Variants in PCDHA2 observed in about 807,000 individuals in gnomAD.
PCDHA2 encodes the protein protocadherin alpha 2.
Under a neutral mutation model 66.0 loss-of-function variants are expected in PCDHA2, and 58 were observed. The ratio of observed to expected loss-of-function variants is 0.88; its 90% CI spans 0.71 to 1.09. The LOEUF is 1.09. Among genes scored for constraint, PCDHA2 ranks in the 50% least tolerant of loss-of-function variants. PCDHA2 has a pLI of 0.00. For missense variants in PCDHA2, 1,267 were observed against 1,242.3 expected, an observed-to-expected ratio of 1.02 and a Z score of -0.30; for synonymous variants, 634 against 554.0, an observed-to-expected ratio of 1.14 and a Z score of -2.03.
chr5:140,819,709 A>G (rs2150054370), intron 1 of PCDHA2, among the ~76,000 whole-genome samples: 1 of 152,246 alleles, frequency 6.6e-6, no homozygotes, highest in Non-Finnish European at 1.5e-5. Context: ...TTAAAAAGTA[A>G]ATATAATTTA....
In PCDHA2 at chr5:141,010,301, A is replaced by G. The variant is rs1232797660; in HGVS notation, c.*364A>G. On this transcript the variant is annotated 3_prime_UTR_variant, in exon 4 of 4. Coordinates refer to ENST00000526136, the MANE Select transcript of PCDHA2 (RefSeq NM_018905.3). ...TTGATGACACTTGCAGGGCAGGCTG[A>G]AAAGTTTTGAGATTGAGCAGCTTGG... 1 of 1,548,942 alleles carries G rather than the reference A, an allele frequency of 6.5e-7. No individual in the cohort carries two copies. Among genetic ancestry groups the G allele is most frequent in the African/African-American group, 1.4e-5 (1 of 72,848 alleles).
intron 1 of PCDHA2, among the ~76,000 whole-genome samples, chr5:140,806,051 G>A (rs1554123525): frequency 2.6e-5 from 4 of 152,142 alleles, no homozygotes; most frequent in South Asian, 4.1e-4. Context: ...AATGGCCCAC[G>A]CGATTCCACC....
chr5:140,874,010 T>C (rs1002287481), intron 1 of PCDHA2, among the ~76,000 whole-genome samples: 7 of 152,208 alleles, frequency 4.6e-5, no homozygotes, highest in Non-Finnish European at 8.8e-5. Context: ...TTGACCACTT[T>C]TGAAAATGAA....
chr5:140,926,170 C>G (rs558750358), intron 1 of PCDHA2, among the ~76,000 whole-genome samples: 1 of 151,736 alleles, frequency 6.6e-6, no homozygotes. Flanking sequence ...CAGGATCCAG[C>G]GCGGAAAGCC....
At chr5:140,868,898 T>C (rs2050724806) in intron 1 of PCDHA2, 1 of 800,434 alleles carries the variant, frequency 1.2e-6, no homozygotes, top group African/African-American at 1.7e-5. Flanking sequence ...GCGCAAGGTG[T>C]CGCTCTTTAC....
intron 1 of PCDHA2, chr5:140,850,389 A>G (rs2150482026): frequency 7.5e-6 from 12 of 1,597,864 alleles, no homozygotes; most frequent in Non-Finnish European, 1.0e-5. Flanking sequence ...GGGCGAGATC[A>G]GCACAACGCG....
chr5:140,985,007 G>A (rs1349447884), intron 3 of PCDHA2, among the ~76,000 whole-genome samples: 2 of 151,706 alleles, frequency 1.3e-5, no homozygotes, highest in African/African-American at 4.8e-5. Flanking sequence ...GCACGATATC[G>A]GCTCACAGCA....
At chr5:140,968,170 C>G in intron 1 of PCDHA2, 1 of 1,614,132 alleles carries the variant, frequency 6.2e-7, no homozygotes, top group Middle Eastern at 1.6e-4. Context: ...ATCCACCAAG[C>G]TTCCTGGAGG....
Position 140,796,978 on chromosome 5 carries a change from A to G in PCDHA2, c.2014A>G (p.Ser672Gly), listed in dbSNP as rs1554120232. ...CACCGTGTTAGTGTCGTTGGTGGAA[A>G]GTGGCCAGGCACCCAAGGCCTCGTC... ...TATVLVSLVE[S>G]GQAPKASSRA... is the part of the protein sequence containing the mutation. Residue 672 changes from serine to glycine, a missense_variant, in exon 1 of 4, where the codon AGT becomes GGT. Coordinates refer to ENST00000526136, the MANE Select transcript of PCDHA2 (RefSeq NM_018905.3). 6.2e-7 allele frequency: 1 copy of G among 1,613,816 alleles called. No homozygotes were observed.
At chr5:140,836,574 G>C in intron 1 of PCDHA2, 10 of 1,613,706 alleles carry the variant, frequency 6.2e-6, no homozygotes, top group Non-Finnish European at 8.5e-6. Context: ...CTCTGAGGGC[G>C]CATGTAGTTT....
intron 1 of PCDHA2, chr5:140,882,363 A>G: frequency 1.2e-6 from 2 of 1,614,208 alleles, no homozygotes; most frequent in South Asian, 1.1e-5. Context: ...GGCCAGCTCC[A>G]CTACTCCGTC....
chr5:140,933,586 T>A (rs1474110331), intron 1 of PCDHA2, among the ~76,000 whole-genome samples: 1 of 152,108 alleles, frequency 6.6e-6, no homozygotes, highest in Non-Finnish European at 1.5e-5. Flanking sequence ...AGTGGGTTTT[T>A]AGGTTGATTT....
At chr5:140,880,796 T>C (rs538689350) in intron 1 of PCDHA2, among the ~76,000 whole-genome samples, 4 of 152,180 alleles carry the variant, frequency 2.6e-5, no homozygotes, top group Non-Finnish European at 5.9e-5. Context: ...GTAATATAAA[T>C]AGGTGAATGA....
chr5:140,856,635 G>A (rs1341590061), intron 1 of PCDHA2: 5 of 1,597,884 alleles, frequency 3.1e-6, no homozygotes, highest in South Asian at 1.1e-5. Context: ...CTTGTTCTGC[G>A]GAAGCTGCTG....
intron 1 of PCDHA2, among the ~76,000 whole-genome samples, chr5:140,892,982 A>G (rs1430280813): frequency 2.0e-5 from 3 of 152,238 alleles, no homozygotes; most frequent in Non-Finnish European, 4.4e-5. Context: ...TAGCTGCCGT[A>G]TAAGTGAGAA....
intron 1 of PCDHA2, chr5:140,882,745 T>A (rs782756975): frequency 4.3e-6 from 7 of 1,614,124 alleles, no homozygotes; most frequent in African/African-American, 1.3e-5. Flanking sequence ...GCGCATCCGA[T>A]GCAGATATTG....
intron 1 of PCDHA2, among the ~76,000 whole-genome samples, chr5:140,800,066 A>C (rs996981204): frequency 2.6e-5 from 4 of 152,180 alleles, no homozygotes; most frequent in Admixed American, 1.3e-4. Flanking sequence ...CAACTTTTAA[A>C]AAAACTGGAA....
rs548886698 is a variant in PCDHA2 at position 140,887,948 on chromosome 5, T to A, written c.2388+90596T>A. 7.1e-4 allele frequency among the ~76,000 whole-genome samples: 108 copies of A among 152,348 alleles called. 2 individuals carry two copies. Among genetic ancestry groups the A allele is most frequent in the Admixed American group, 7.0e-3 (107 of 15,298 alleles). On this transcript the variant is annotated intron_variant, in intron 1 of 3. Transcript: ENST00000526136. ...AGACCATATTTATTTCTTATCTGTA[T>A]AAGATTCTTTTTGTCTCTTTTAAAA... is the stretch of plus-strand genomic sequence containing the variant.
intron 1 of PCDHA2, chr5:140,808,523 G>A (rs1554124614): frequency 1.2e-6 from 2 of 1,614,182 alleles, no homozygotes; most frequent in Non-Finnish European, 1.7e-6. Flanking sequence ...TGTGGAGGTG[G>A]CTGATGTGAA....
Sources: gnomAD v4.1 joint callset for allele counts (sites outside exome capture counted in the v4.1 genomes callset) on GRCh38, gnomAD v4.1.1 for gene constraint, MANE v1.5 for transcripts, NCBI Gene and HGNC (gene_info 2026-07-23, HGNC 2026-07-21) for gene names.